The following HMCN1 variants were observed in gnomAD, a reference collection of about 807,000 sequenced individuals.
The protein encoded by HMCN1 is hemicentin 1, also known as hemicentin-1.
HMCN1 carries 321 observed loss-of-function variants against 625.9 expected under a neutral mutation model. The ratio of observed to expected loss-of-function variants is 0.51; its 90% CI spans 0.47 to 0.56. The LOEUF is 0.56. Among genes scored for constraint, HMCN1 ranks in the 20% least tolerant of loss-of-function variants. The pLI, the probability that HMCN1 is intolerant of heterozygous loss-of-function variation, is 0.00. For missense variants in HMCN1, 6,588 were observed against 6,887.3 expected (o/e 0.96, Z 1.54); for synonymous variants, 2,425 against 2,417.6 (o/e 1.00, Z -0.09).
At position 186,142,260 on chromosome 1, in the gene HMCN1, G is replaced by A. The variant is rs145831952; in HGVS notation, c.13925-1913G>A. Among the ~76,000 whole-genome samples, 511 of 152,122 alleles carry A rather than the reference G, an allele frequency of 3.4e-3. 5 individuals are homozygous for A. The highest frequency in any genetic ancestry group is 0.012 in the African/African-American group (485 of 41,512). The stretch of plus-strand genomic sequence containing the variant: ...TATAAGTGAGAACATGCAGTATTTG[G>A]TTTTCTGTTCCTGAGTTAGTTAGTT... On this transcript the variant is annotated intron_variant, in intron 89 of 106. Coordinates refer to ENST00000271588, the MANE Select transcript of HMCN1 (RefSeq NM_031935.3).
intron 97 of HMCN1, among the ~76,000 whole-genome samples, chr1:186,155,396 C>A (rs1332723902): frequency 6.6e-6 from 1 of 152,048 alleles, no homozygotes; most frequent in African/African-American, 2.4e-5. Context: ...AAACGAGCTG[C>A]CAGAATGAGG....
chr1:185,947,674 T>C (rs1668414750), intron 11 of HMCN1, among the ~76,000 whole-genome samples: 1 of 152,196 alleles, frequency 6.6e-6, no homozygotes, highest in African/African-American at 2.4e-5. Context: ...TGTTGTTTAT[T>C]TTGGTTTGTT....
At chr1:186,055,724 GC>G (rs1558181650) in intron 45 of HMCN1, 50 bp downstream of exon 45, 1 of 1,564,784 alleles carries the variant, frequency 6.4e-7, no homozygotes. Context: ...ACGTAATCTA[GC>G]ATCCTGGATG....
chr1:186,181,039 C>T (rs901033291), intron 104 of HMCN1, among the ~76,000 whole-genome samples: 1 of 152,132 alleles, frequency 6.6e-6, no homozygotes, highest in Non-Finnish European at 1.5e-5. Flanking sequence ...GGAAAAATGA[C>T]CATTGCATTG....
At chr1:186,135,952 A>G (rs774212849) in intron 86 of HMCN1, among the ~76,000 whole-genome samples, 1 of 152,236 alleles carries the variant, frequency 6.6e-6, no homozygotes, top group Non-Finnish European at 1.5e-5. Context: ...CATCCACCAC[A>G]ATGCCTGGCA....
Position 185,970,450 on chromosome 1 carries a change from T to C in HMCN1, c.2328T>C (p.Asn776=). 1 of 1,613,904 alleles carries C rather than the reference T, an allele frequency of 6.2e-7. No homozygotes were observed. The highest frequency in any genetic ancestry group is 1.1e-5 in the South Asian group (1 of 91,086). The change falls in exon 15 of 107, where the codon AAT becomes AAC. Residue 776 remains asparagine, a synonymous_variant. Coordinates refer to ENST00000271588, the MANE Select transcript of HMCN1 (RefSeq NM_031935.3). ...GCGATTATACCTGTGTAGCCATCAA[T>C]GAGGCTGGAAGAGCAACTGGCAAGA... ...DAGDYTCVAI[N]EAGRATGKIT...
intron 106 of HMCN1, 131 bp from the exon 107 acceptor site, chr1:186,189,381 C>A: frequency 2.2e-6 from 2 of 905,556 alleles, no homozygotes; most frequent in Non-Finnish European, 3.6e-6. Flanking sequence ...ACGACTGAGT[C>A]TTACCGCTTT....
At chr1:185,833,134 G>A (rs1011812662) in intron 1 of HMCN1, among the ~76,000 whole-genome samples, 5 of 152,020 alleles carry the variant, frequency 3.3e-5, no homozygotes, top group Admixed American at 3.3e-4. Context: ...TGAATTTATT[G>A]GAGAAAAGGA....
At chr1:185,863,587 A>G (rs1663003840) in intron 2 of HMCN1, among the ~76,000 whole-genome samples, 1 of 152,228 alleles carries the variant, frequency 6.6e-6, no homozygotes, top group South Asian at 2.1e-4. Context: ...AACAAACAGG[A>G]TATAATTCTG....
chr1:185,834,669 C>A (rs182727627), intron 1 of HMCN1, among the ~76,000 whole-genome samples: 1 of 152,110 alleles, frequency 6.6e-6, no homozygotes, highest in Non-Finnish European at 1.5e-5. Context: ...CAGGGCATTA[C>A]GTCCAGCCTA....
chr1:186,035,202 A>G (rs1188530066), intron 36 of HMCN1, among the ~76,000 whole-genome samples: 6 of 152,190 alleles, frequency 3.9e-5, no homozygotes, highest in Non-Finnish European at 8.8e-5. Flanking sequence ...GAAAACAGAA[A>G]CATTCTAGGC....
chr1:186,108,225 A>C (rs1455100248), intron 70 of HMCN1, among the ~76,000 whole-genome samples: 1 of 152,006 alleles, frequency 6.6e-6, no homozygotes, highest in Admixed American at 6.6e-5. Flanking sequence ...TAATGCAATT[A>C]TATTACTTCC....
At chr1:186,152,583 C>G (rs1288698577) in intron 95 of HMCN1, among the ~76,000 whole-genome samples, 167 bp from the exon 96 acceptor site, 2 of 152,102 alleles carry the variant, frequency 1.3e-5, no homozygotes, top group Non-Finnish European at 2.9e-5. Flanking sequence ...TTCAATAAAC[C>G]TAACTCTTTA....
At chr1:186,055,771 T>G (rs746887987) in intron 45 of HMCN1, 97 bp downstream of exon 45, 3 of 1,187,318 alleles carry the variant, frequency 2.5e-6, no homozygotes, top group Non-Finnish European at 3.8e-6. Context: ...AGTCATTTAT[T>G]TATAACCCAT....
intron 6 of HMCN1, among the ~76,000 whole-genome samples, chr1:185,920,362 A>G (rs907744855): frequency 1.3e-5 from 2 of 152,196 alleles, no homozygotes; most frequent in Non-Finnish European, 2.9e-5. Context: ...TTTTATTTAC[A>G]AACACTTAAA....
intron 1 of HMCN1, among the ~76,000 whole-genome samples, chr1:185,787,899 G>A (rs1657734835): frequency 6.6e-6 from 1 of 152,132 alleles, no homozygotes; most frequent in Admixed American, 6.5e-5. Flanking sequence ...AAATCAGGTA[G>A]GTGATAGCTA....
chr1:186,088,563 A>G (rs910670411), intron 62 of HMCN1, 43 bp from the exon 63 acceptor site: 1 of 1,595,048 alleles, frequency 6.3e-7, no homozygotes, highest in Non-Finnish European at 8.6e-7. Context: ...GTTAAAGTTT[A>G]AAGGTTTTTT....
chr1:186,039,438 A>C (rs1229626736), intron 38 of HMCN1, among the ~76,000 whole-genome samples: 1 of 152,064 alleles, frequency 6.6e-6, no homozygotes, highest in African/African-American at 2.4e-5. Context: ...ACACACGCCT[A>C]GAAATCAATA....
In HMCN1 at chr1:186,128,118, C is replaced by A; in HGVS notation, c.12731C>A (p.Ala4244Asp). ...TTCTATACCTGTGTTGCTAACAATG[C>A]TGCAGGTGAAGATACACACACTGTC... ...SGFYTCVANN[A>D]AGEDTHTVSL... is the part of the protein sequence containing the mutation. Residue 4244 changes from alanine (A) to aspartate (D), a missense_variant, in exon 83 of 107, where the codon GCT becomes GAT. Physicochemically the swap from Ala to Asp is moderately radical, Grantham distance 126 (BLOSUM62 -2). This residue lies in a region of HMCN1 where 1,954 missense variants were observed against 2,013.1 expected (regional missense o/e 0.97). Coordinates refer to ENST00000271588, the MANE Select transcript of HMCN1 (RefSeq NM_031935.3). The A allele has an allele frequency of 6.2e-7, 1 of 1,613,540 alleles. No homozygotes were observed. Among genetic ancestry groups the A allele is most frequent in the Non-Finnish European group, 8.5e-7 (1 of 1,179,674 alleles).
Sources: gnomAD v4.1 joint callset for allele counts (sites outside exome capture counted in the v4.1 genomes callset) on GRCh38, gnomAD v4.1.1 for gene constraint, gnomAD v4.1.1 regional missense constraint, MANE v1.5 for transcripts, NCBI Gene and HGNC (gene_info 2026-07-23, HGNC 2026-07-21) for gene names.